Variants in PNOC observed in about 807,000 individuals in gnomAD.
The protein encoded by PNOC is prepronociceptin.
In PNOC, 10 loss-of-function variants were observed where a neutral mutation model predicts 15.6. The observed-to-expected ratio is 0.64, with a 90% CI of 0.40 to 1.09. The LOEUF is 1.09. Ranked by LOEUF, PNOC falls within the 50% of genes least tolerant of loss-of-function variation. The pLI is 0.01. For missense variants in PNOC, 220 were observed against 223.9 expected, an observed-to-expected ratio of 0.98 and a Z score of 0.11; for synonymous variants, 98 against 88.5, an observed-to-expected ratio of 1.11 and a Z score of -0.60.
chr8:28,336,812 C>T (rs1365106619), intron 2 of PNOC, among the ~76,000 whole-genome samples: 6 of 151,524 alleles, frequency 4.0e-5, no homozygotes, highest in African/African-American at 9.7e-5. Context: ...GGCACTTAGG[C>T]GGTGGTAGAG....
intron 2 of PNOC, among the ~76,000 whole-genome samples, chr8:28,337,542 C>T (rs1218189031): frequency 7.9e-5 from 12 of 151,204 alleles, no homozygotes; most frequent in East Asian, 3.9e-4. Context: ...TCAAGTGATC[C>T]GCCTGCTTTG....
intron 2 of PNOC, among the ~76,000 whole-genome samples, chr8:28,334,577 C>G (rs1801382482): frequency 2.0e-5 from 3 of 152,178 alleles, no homozygotes. Flanking sequence ...TCACTGCAGC[C>G]TTGACTTCCC....
At chr8:28,319,818 C>T (rs981748178) in intron 1 of PNOC, among the ~76,000 whole-genome samples, 11 of 152,152 alleles carry the variant, frequency 7.2e-5, no homozygotes, top group Admixed American at 1.3e-4. Flanking sequence ...TCTCAGAAAA[C>T]GGGAGCCGTC....
At chr8:28,330,871 C>T (rs1051869572) in intron 2 of PNOC, among the ~76,000 whole-genome samples, 3 of 152,134 alleles carry the variant, frequency 2.0e-5, no homozygotes, top group African/African-American at 7.2e-5. Context: ...GATAGTTACT[C>T]CTCTCCTATT....
At chr8:28,327,477 C>G (rs1424491713) in intron 1 of PNOC, among the ~76,000 whole-genome samples, 1 of 152,146 alleles carries the variant, frequency 6.6e-6, no homozygotes, top group Non-Finnish European at 1.5e-5. Flanking sequence ...TAACATGGCC[C>G]TTTGCTCGGG....
In PNOC at chr8:28,335,776, G is replaced by A. The variant is rs149441480; in HGVS notation, c.127-3264G>A. Among the ~76,000 whole-genome samples, 162 of 152,182 alleles carry A rather than the reference G, an allele frequency of 1.1e-3. 1 individual carries two copies. Among genetic ancestry groups the A allele is most frequent in the African/African-American group, 3.2e-3 (134 of 41,510 alleles). ...ACTCCCAACCTCAGATGATCCGCCC[G>A]CCTCAGCCTCCCAAAGTGCTGGGAT... On this transcript the variant is annotated intron_variant, in intron 2 of 3. Coordinates refer to ENST00000301908, the MANE Select transcript of PNOC (RefSeq NM_006228.5).
At chr8:28,336,652 T>C (rs2129896708) in intron 2 of PNOC, among the ~76,000 whole-genome samples, 1 of 152,214 alleles carries the variant, frequency 6.6e-6, no homozygotes, top group East Asian at 1.9e-4. Context: ...AGCTGTTTTA[T>C]GGATATGATA....
chr8:28,334,949 T>C (rs1260540965), intron 2 of PNOC, among the ~76,000 whole-genome samples: 1 of 152,254 alleles, frequency 6.6e-6, no homozygotes, highest in African/African-American at 2.4e-5. Flanking sequence ...GAGGTCATTC[T>C]GTCAGCAACT....
At chr8:28,327,554 A>G (rs991321575) in intron 1 of PNOC, among the ~76,000 whole-genome samples, 1 of 150,908 alleles carries the variant, frequency 6.6e-6, no homozygotes, top group Non-Finnish European at 1.5e-5. Flanking sequence ...GCTTATAAAC[A>G]ACATAAAATT....
chr8:28,321,455 G>A (rs1436853950), intron 1 of PNOC, among the ~76,000 whole-genome samples: 1 of 151,958 alleles, frequency 6.6e-6, no homozygotes, highest in Non-Finnish European at 1.5e-5. Context: ...CCCTGAACGT[G>A]TGTCTTTTGC....
chr8:28,321,190 C>T (rs1801146167), intron 1 of PNOC, among the ~76,000 whole-genome samples: 1 of 149,756 alleles, frequency 6.7e-6, no homozygotes, highest in Non-Finnish European at 1.5e-5. Flanking sequence ...AGATGTGCAC[C>T]ACCACACCTA....
intron 1 of PNOC, among the ~76,000 whole-genome samples, chr8:28,326,769 A>T (rs1801232010): frequency 6.6e-6 from 1 of 152,156 alleles, no homozygotes; most frequent in South Asian, 2.1e-4. Context: ...CTGTGGCATG[A>T]GAATCTCTTG....
intron 1 of PNOC, among the ~76,000 whole-genome samples, chr8:28,321,206 A>ATT (rs34876674): frequency 0.092 from 11,297 of 122,774 alleles, 764 homozygotes; most frequent in East Asian, 0.21. Flanking sequence ...ACCTAGCTAA[A>ATT]TTTTTTTTTT....
At position 28,321,206 on chromosome 8, in the gene PNOC, A is replaced by ATTT. The variant is rs34876674; in HGVS notation, c.-24+3909_-24+3911dup. On this transcript the variant is annotated intron_variant, in intron 1 of 3. Coordinates refer to ENST00000301908, the MANE Select transcript of PNOC (RefSeq NM_006228.5). Reference sequence around the variant, plus strand: ...GATGTGCACCACCACACCTAGCTAAATTTTTTTTTTTTTTTTTTTTTGTAG... The same window carrying ATTT: ...GATGTGCACCACCACACCTAGCTAAATTTTTTTTTTTTTTTTTTTTTTTTGTAG... Among the ~76,000 whole-genome samples the ATTT allele has an allele frequency of 5.5e-3, 671 of 122,766 alleles. 8 individuals carry two copies. Among genetic ancestry groups the ATTT allele is most frequent in the African/African-American group, 0.011 (350 of 32,118 alleles). The allele number at this position is 122,766 out of a possible 152,430, so 80.5% of individuals were successfully genotyped here. A position where few individuals can be genotyped will look rare whatever the true frequency, so the allele number is the denominator to read the frequency against.
intron 2 of PNOC, among the ~76,000 whole-genome samples, chr8:28,334,695 T>C (rs535477971): frequency 6.6e-6 from 1 of 152,134 alleles, no homozygotes; most frequent in Non-Finnish European, 1.5e-5. Context: ...GGTCTCCCTA[T>C]GTTGCCCAGG....
At chr8:28,334,550 A>G (rs1005275408) in intron 2 of PNOC, among the ~76,000 whole-genome samples, 1 of 152,132 alleles carries the variant, frequency 6.6e-6, no homozygotes, top group Non-Finnish European at 1.5e-5. Context: ...GCTGGAGTGC[A>G]GTACAGCAAT....
chr8:28,334,027 T>A (rs1240187668), intron 2 of PNOC, among the ~76,000 whole-genome samples: 1 of 150,802 alleles, frequency 6.6e-6, no homozygotes, highest in African/African-American at 2.5e-5. Flanking sequence ...TTTACTGGCA[T>A]CCCTGGCCTC....
intron 2 of PNOC, among the ~76,000 whole-genome samples, chr8:28,337,581 C>CTT (rs10685321): frequency 0.34 from 39,552 of 117,042 alleles, 8,057 homozygotes; most frequent in East Asian, 0.56. Flanking sequence ...ATTACGTTTC[C>CTT]TTTTTTTTTT....
chr8:28,320,626 A>G (rs995608362), intron 1 of PNOC, among the ~76,000 whole-genome samples: 15 of 152,202 alleles, frequency 9.9e-5, no homozygotes, highest in Non-Finnish European at 1.6e-4. Context: ...CGAGGTGGGC[A>G]GATCACAAGG....
Sources: gnomAD v4.1 joint callset for allele counts (sites outside exome capture counted in the v4.1 genomes callset) on GRCh38, gnomAD v4.1.1 for gene constraint, MANE v1.5 for transcripts, NCBI Gene and HGNC (gene_info 2026-07-23, HGNC 2026-07-21) for gene names.